Variants in YPEL1 observed in about 807,000 individuals in gnomAD.
YPEL1 encodes the protein yippee like 1, also known as protein yippee-like 1.
Under a neutral mutation model 17.3 loss-of-function variants are expected in YPEL1, and 7 were observed. The ratio of observed to expected loss-of-function variants is 0.40; its 90% CI spans 0.23 to 0.76. The LOEUF (loss-of-function observed/expected upper bound fraction) is 0.76, where lower values mean the gene tolerates loss of function less well. YPEL1 is among the 30% of genes least tolerant of loss of function. The pLI, the probability that YPEL1 is intolerant of heterozygous loss-of-function variation, is 0.35. For missense variants in YPEL1, 91 were observed against 155.5 expected, an observed-to-expected ratio of 0.59 and a Z score of 2.21; for synonymous variants, 59 against 59.6, an observed-to-expected ratio of 0.99 and a Z score of 0.05.
At chr22:21,709,734 T>C (rs2068147002) in intron 2 of YPEL1, among the ~76,000 whole-genome samples, 1 of 151,980 alleles carries the variant, frequency 6.6e-6, no homozygotes, top group African/African-American at 2.4e-5. Flanking sequence ...TGGGGAGACG[T>C]CATGACCTGA....
intron 2 of YPEL1, among the ~76,000 whole-genome samples, chr22:21,704,377 C>T (rs906561362): frequency 6.6e-6 from 1 of 152,218 alleles, no homozygotes; most frequent in Non-Finnish European, 1.5e-5. Flanking sequence ...CACAGCATGG[C>T]TGAGTATGGC....
intron 1 of YPEL1, among the ~76,000 whole-genome samples, chr22:21,732,766 G>A (rs1463427731): frequency 6.6e-6 from 1 of 151,868 alleles, no homozygotes; most frequent in East Asian, 1.9e-4. Context: ...TGGCGACAGA[G>A]TGGGACTCTG....
rs1405470166 is a variant in YPEL1, at chr22:21,697,822, A to T, written c.*3307T>A. On this transcript the variant is annotated 3_prime_UTR_variant, in exon 5 of 5. Transcript: ENST00000339468. Reference sequence around the variant, plus strand: ...CTGTAGTTTGTTTGTTTTAGAGCTTAATTTGTAGTTTTTTAGCTATTAAAA... The same window carrying T: ...CTGTAGTTTGTTTGTTTTAGAGCTTTATTTGTAGTTTTTTAGCTATTAAAA... 1.3e-5 allele frequency: 2 copies of T among 152,360 alleles called. No individual in the cohort carries two copies. The highest frequency in any genetic ancestry group is 2.9e-5 in the Non-Finnish European group (2 of 68,044). The allele number at this position is 152,360 out of a possible 1,614,324, so 9.4% of individuals were successfully genotyped here.
intron 2 of YPEL1, among the ~76,000 whole-genome samples, chr22:21,706,856 A>G (rs1174325561): frequency 1.3e-5 from 2 of 152,082 alleles, no homozygotes; most frequent in African/African-American, 2.4e-5. Context: ...AAAATAAATA[A>G]ATAAATAAAT....
Position 21,698,195 on chromosome 22 carries a change from A to G in YPEL1, c.*2934T>C, listed in dbSNP as rs958864427. The G allele has an allele frequency of 6.6e-6, 1 of 151,776 alleles. No individual in the cohort carries two copies. Among genetic ancestry groups the G allele is most frequent in the Non-Finnish European group, 1.5e-5 (1 of 67,954 alleles). 9.4% of individuals were successfully genotyped at this position (151,776 alleles called of 1,614,324 possible). A position where few individuals can be genotyped will look rare whatever the true frequency, so the allele number is the denominator to read the frequency against. ...TCATGGTCTGTTCATTTGGTTTAAA[A>G]ATGAGCTTGTATTTTGCAGAAGCCC... On this transcript the variant is annotated 3_prime_UTR_variant, in exon 5 of 5. Coordinates refer to ENST00000339468, the MANE Select transcript of YPEL1 (RefSeq NM_013313.5).
intron 1 of YPEL1, among the ~76,000 whole-genome samples, chr22:21,722,251 T>C (rs1290201659): frequency 6.6e-6 from 1 of 152,144 alleles, no homozygotes; most frequent in Non-Finnish European, 1.5e-5. Flanking sequence ...ACCCCATCTC[T>C]ACTAAAAATA....
intron 1 of YPEL1, among the ~76,000 whole-genome samples, chr22:21,712,438 G>A (rs898499701): frequency 1.1e-4 from 16 of 150,834 alleles, no homozygotes; most frequent in East Asian, 5.9e-4. Flanking sequence ...ATAAAGGGCC[G>A]GGTATGGGCC....
In YPEL1 at chr22:21,703,469, C is replaced by T; in HGVS notation, c.171G>A (p.Val57=). 6.2e-7 allele frequency: 1 copy of T among 1,609,588 alleles called. No individual in the cohort carries two copies. Among genetic ancestry groups the T allele is most frequent in the Non-Finnish European group, 8.5e-7 (1 of 1,179,828 alleles). The change falls in exon 4 of 5, where the codon GTG becomes GTA. Residue 57 remains valine, a synonymous_variant. Transcript: ENST00000339468. This position sits in a 1 kb window ranked among gnomAD's most constrained non-coding sequence, Gnocchi z 6.1. ...CCCTCTCCTCTGCAGGGCCGCAGCCCACGTTCACCCTGCGGGGACAGAGGG... is the reference window on the plus strand; with the variant it reads ...CCCTCTCCTCTGCAGGGCCGCAGCCTACGTTCACCCTGCGGGGACAGAGGG... ...RAYLFNSVVN[V]GCGPAEERVL...
rs115641573 is a variant in YPEL1 at position 21,714,886 on chromosome 22, C to A, written c.-164-3978G>T. Among the ~76,000 whole-genome samples, 633 of 152,296 alleles carry A rather than the reference C, an allele frequency of 4.2e-3. 6 individuals carry two copies. The highest frequency in any genetic ancestry group is 0.014 in the African/African-American group (599 of 41,560). On this transcript the variant is annotated intron_variant, in intron 1 of 4. Coordinates refer to ENST00000339468, the MANE Select transcript of YPEL1 (RefSeq NM_013313.5). ...CTTTTATGATTCCTCCTTTTCAAAT[C>A]TTTGTCACATTTTCTATTAGCTGCT...
intron 4 of YPEL1, among the ~76,000 whole-genome samples, chr22:21,701,433 T>C (rs907574621): frequency 1.3e-5 from 2 of 152,346 alleles, no homozygotes; most frequent in South Asian, 2.1e-4. Flanking sequence ...AGGTTTTTCA[T>C]GTGCTCGCTT....
chr22:21,712,705 G>A (rs1375156595), intron 1 of YPEL1, among the ~76,000 whole-genome samples: 5 of 135,332 alleles, frequency 3.7e-5, no homozygotes, highest in South Asian at 2.3e-4. Flanking sequence ...CAGCCTGGGC[G>A]ACAGAGTGAG....
chr22:21,722,774 C>T (rs1054029929), intron 1 of YPEL1: 1 of 152,188 alleles, frequency 6.6e-6, no homozygotes, highest in African/African-American at 2.4e-5. Flanking sequence ...CACTGGTGCA[C>T]ATCGCTTGTC....
intron 1 of YPEL1, among the ~76,000 whole-genome samples, chr22:21,715,472 G>A (rs999783163): frequency 1.3e-5 from 2 of 151,990 alleles, no homozygotes; most frequent in Admixed American, 1.3e-4. Context: ...CCAGCCTGGA[G>A]ACAGAGTGAG....
chr22:21,702,850 G>A (rs2148594786), intron 4 of YPEL1, among the ~76,000 whole-genome samples: 2 of 152,334 alleles, frequency 1.3e-5, no homozygotes, highest in East Asian at 3.9e-4. Flanking sequence ...GTGGTGGAGA[G>A]AGAAGGGAGC....
At chr22:21,730,074 C>G (rs2068373240) in intron 1 of YPEL1, among the ~76,000 whole-genome samples, 1 of 151,790 alleles carries the variant, frequency 6.6e-6, no homozygotes, top group African/African-American at 2.4e-5. Context: ...ACTGCTTGAA[C>G]CCGGGAGGCA....
At chr22:21,725,790 C>A (rs1327933813) in intron 1 of YPEL1, among the ~76,000 whole-genome samples, 9 of 149,478 alleles carry the variant, frequency 6.0e-5, no homozygotes, top group East Asian at 6.0e-4. Flanking sequence ...CCCAGGAGTT[C>A]GAGACCAGCC....
At chr22:21,726,156 G>T (rs1601641924) in intron 1 of YPEL1, among the ~76,000 whole-genome samples, 1 of 152,176 alleles carries the variant, frequency 6.6e-6, no homozygotes, top group East Asian at 1.9e-4. Context: ...CATGTCCCCA[G>T]GGTCTAGGAC....
rs571119586 is a variant in YPEL1 at position 21,714,698 on chromosome 22, G to A, written c.-164-3790C>T. ...ACACAGCAGCACCTCCCAAGTGCCG[G>A]TGACAAGGTCATCCTGCCAGCAGCG... On this transcript the variant is annotated intron_variant, in intron 1 of 4. Coordinates refer to ENST00000339468, the MANE Select transcript of YPEL1 (RefSeq NM_013313.5). Among the ~76,000 whole-genome samples the A allele has an allele frequency of 1.1e-4, 16 of 152,290 alleles. No individual in the cohort carries two copies. In the South Asian group the frequency reaches 3.1e-3, roughly 30 times the overall value.
At chr22:21,721,253 C>T (rs893517183) in intron 1 of YPEL1, among the ~76,000 whole-genome samples, 14 of 151,976 alleles carry the variant, frequency 9.2e-5, no homozygotes, top group African/African-American at 3.4e-4. Flanking sequence ...GCTGGGATTA[C>T]AGGCGTGTGC....
Sources: allele counts gnomAD v4.1 joint callset (sites outside exome capture counted in the v4.1 genomes callset), GRCh38; gene constraint gnomAD v4.1.1; non-coding constraint Gnocchi (gnomAD v3.1); transcripts MANE v1.5; gene names NCBI Gene and HGNC (gene_info 2026-07-23, HGNC 2026-07-21).